Variants in FGGY observed in about 807,000 individuals in gnomAD.
FGGY encodes the protein FGGY carbohydrate kinase domain containing.
FGGY carries 72 observed loss-of-function variants against 71.3 expected under a neutral mutation model. That is an observed-to-expected ratio of 1.01 (90% CI 0.84 to 1.23). FGGY has a LOEUF of 1.23. FGGY is among the 50% of genes most tolerant of loss of function. The probability of loss-of-function intolerance (pLI) is 0.00; values close to 1 mark genes in which losing one functional copy is unlikely to be tolerated. For missense variants in FGGY, 668 were observed against 682.3 expected, an observed-to-expected ratio of 0.98 and a Z score of 0.23; for synonymous variants, 251 against 250.3, an observed-to-expected ratio of 1.00 and a Z score of -0.02.
rs899055146 is a variant in FGGY, at chr1:59,364,574, T to C, written c.466-14175T>C. Among the ~76,000 whole-genome samples the C allele has an allele frequency of 2.0e-5, 3 of 152,254 alleles. No individual in the cohort carries two copies. In the East Asian group the frequency reaches 5.8e-4, roughly 29 times the overall value. On this transcript the variant is annotated intron_variant, in intron 4 of 15. Coordinates refer to ENST00000303721, the MANE Select transcript of FGGY (RefSeq NM_018291.5). Reference sequence around the variant, plus strand: ...ATCATCTATAGATCAGACAAACTGCTGTGTCCTAGGAGTAGAGATATTTAA... The same window carrying C: ...ATCATCTATAGATCAGACAAACTGCCGTGTCCTAGGAGTAGAGATATTTAA...
chr1:59,503,782 A>G (rs75675999), intron 6 of FGGY, among the ~76,000 whole-genome samples: 2,155 of 151,976 alleles, frequency 0.014, 27 homozygotes, highest in Non-Finnish European at 0.019. Flanking sequence ...ATGCATATAT[A>G]TAGGTTTTTG....
chr1:59,312,595 C>A (rs2044557681), intron 1 of FGGY, among the ~76,000 whole-genome samples: 1 of 152,114 alleles, frequency 6.6e-6, no homozygotes, highest in Non-Finnish European at 1.5e-5. Flanking sequence ...TATGGGAGAT[C>A]TGAAGTTTAA....
intron 3 of FGGY, among the ~76,000 whole-genome samples, chr1:59,341,038 T>C (rs1286138933): frequency 2.0e-5 from 3 of 152,298 alleles, no homozygotes; most frequent in East Asian, 3.9e-4. Context: ...CTGCACACTG[T>C]TGCAGCAGCA....
intron 8 of FGGY, among the ~76,000 whole-genome samples, chr1:59,604,532 C>G (rs1190464284): frequency 6.6e-6 from 1 of 152,230 alleles, no homozygotes; most frequent in Non-Finnish European, 1.5e-5. Context: ...AGCAAAGCAG[C>G]AAAGCCACAA....
intron 6 of FGGY, among the ~76,000 whole-genome samples, chr1:59,507,615 T>G (rs912817819): frequency 6.6e-6 from 1 of 151,938 alleles, no homozygotes; most frequent in African/African-American, 2.4e-5. Flanking sequence ...CTTCCTGGGT[T>G]CAAGCGATTC....
At chr1:59,539,573 G>A (rs565555555) in intron 7 of FGGY, among the ~76,000 whole-genome samples, 48 of 152,160 alleles carry the variant, frequency 3.2e-4, no homozygotes, top group African/African-American at 1.1e-3. Context: ...ATTGAATTTT[G>A]GCCCTTCTCC....
At chr1:59,521,636 C>G (rs1313856740) in intron 7 of FGGY, among the ~76,000 whole-genome samples, 1 of 152,156 alleles carries the variant, frequency 6.6e-6, no homozygotes, top group East Asian at 1.9e-4. Context: ...ATACCAAATT[C>G]TTCAATTTGC....
chr1:59,755,166 CCTT>C (rs1370540925), intron 14 of FGGY: 2 of 152,160 alleles, frequency 1.3e-5, no homozygotes, highest in African/African-American at 4.8e-5. Flanking sequence ...CCTCAGGCAC[CCTT>C]CTTGCACATT....
chr1:59,301,924 A>G (rs896333311), intron 1 of FGGY, among the ~76,000 whole-genome samples: 14 of 145,454 alleles, frequency 9.6e-5, no homozygotes, highest in African/African-American at 3.3e-4. Flanking sequence ...TTAAGTAGAG[A>G]TGGGGTTTCT....
chr1:59,456,858 C>A, intron 5 of FGGY, 103 bp from the exon 6 acceptor site: 1 of 701,606 alleles, frequency 1.4e-6, no homozygotes, highest in Non-Finnish European at 2.5e-6. Flanking sequence ...GCTTATTCCA[C>A]TTCTTTAATA....
At chr1:59,385,705 G>C (rs2059996769) in intron 5 of FGGY, among the ~76,000 whole-genome samples, 1 of 151,988 alleles carries the variant, frequency 6.6e-6, no homozygotes. Flanking sequence ...GTACAAAATA[G>C]AAAAAAATCA....
At chr1:59,665,136 C>T (rs1400080067) in intron 12 of FGGY, among the ~76,000 whole-genome samples, 2 of 152,112 alleles carry the variant, frequency 1.3e-5, no homozygotes, top group Non-Finnish European at 2.9e-5. Context: ...CATCTGTAGA[C>T]CTCCTGAAAT....
At chr1:59,670,556 ACATTATCATCTCCCT>A (rs1170424777) in intron 13 of FGGY, among the ~76,000 whole-genome samples, 1 of 152,190 alleles carries the variant, frequency 6.6e-6, no homozygotes, top group Non-Finnish European at 1.5e-5. Flanking sequence ...AAACCAAAAA[ACATTATCATCTCCCT>A]CATGTAGATC....
chr1:59,398,827 A>G (rs911832592), intron 5 of FGGY, among the ~76,000 whole-genome samples: 2 of 152,226 alleles, frequency 1.3e-5, no homozygotes, highest in Non-Finnish European at 2.9e-5. Context: ...AATAGTAATA[A>G]TAATATTAAC....
chr1:59,468,438 T>C (rs953908269), intron 6 of FGGY, among the ~76,000 whole-genome samples: 1 of 152,178 alleles, frequency 6.6e-6, no homozygotes, highest in Non-Finnish European at 1.5e-5. Context: ...TTAGGAAATA[T>C]CACAGACTCC....
chr1:59,618,620 TAATTAAATACAATA>T (rs2096779902), intron 9 of FGGY, among the ~76,000 whole-genome samples: 1 of 151,948 alleles, frequency 6.6e-6, no homozygotes, highest in Non-Finnish European at 1.5e-5. Flanking sequence ...GGGAGAAAAA[TAATTAAATACAATA>T]AATTAAATAC....
At chr1:59,520,454 A>G (rs1294721313) in intron 7 of FGGY, among the ~76,000 whole-genome samples, 1 of 152,148 alleles carries the variant, frequency 6.6e-6, no homozygotes, top group East Asian at 1.9e-4. Flanking sequence ...CTCAGTCTAA[A>G]TGTTACTTTG....
intron 6 of FGGY, among the ~76,000 whole-genome samples, chr1:59,496,008 A>G (rs531361940): frequency 2.6e-5 from 4 of 152,282 alleles, no homozygotes; most frequent in Admixed American, 2.6e-4. Flanking sequence ...AGTTTTTTCT[A>G]GTTCTGTGAA....
chr1:59,662,192 C>A (rs1368507139), intron 12 of FGGY, among the ~76,000 whole-genome samples: 1 of 151,026 alleles, frequency 6.6e-6, no homozygotes, highest in African/African-American at 2.4e-5. Context: ...TGGTGGCGGG[C>A]ACCTGTAGTC....
Sources: gnomAD v4.1 joint callset for allele counts (sites outside exome capture counted in the v4.1 genomes callset) on GRCh38, gnomAD v4.1.1 for gene constraint, MANE v1.5 for transcripts, NCBI Gene and HGNC (gene_info 2026-07-23, HGNC 2026-07-21) for gene names.